Variants in PIEZO2 observed in about 807,000 individuals in gnomAD.
The protein encoded by PIEZO2 is piezo-type mechanosensitive ion channel component 2.
Under a neutral mutation model 337.3 loss-of-function variants are expected in PIEZO2, and 172 were observed. That is an observed-to-expected ratio of 0.51 (90% confidence interval 0.45 to 0.58). The LOEUF is 0.58. PIEZO2 is among the 20% of genes least tolerant of loss of function. PIEZO2 has a pLI of 0.00. For missense variants in PIEZO2, 3,028 were observed against 3,391.3 expected (o/e 0.89, Z 2.66); for synonymous variants, 1,251 against 1,228.5 (o/e 1.02, Z -0.38).
chr18:10,992,000 A>C (rs533387456), intron 2 of PIEZO2, among the ~76,000 whole-genome samples: 1 of 152,158 alleles, frequency 6.6e-6, no homozygotes, highest in South Asian at 2.1e-4. Flanking sequence ...GCTTTTTTTC[A>C]TATGTTCATT....
At chr18:10,822,592 T>C (rs1050519664) in intron 7 of PIEZO2, among the ~76,000 whole-genome samples, 6 of 152,182 alleles carry the variant, frequency 3.9e-5, no homozygotes, top group African/African-American at 1.4e-4. Flanking sequence ...ACCAGGCCAG[T>C]GTCTGCTGGC....
At chr18:10,731,032 T>C (rs939668173) in intron 36 of PIEZO2, among the ~76,000 whole-genome samples, 36 of 152,014 alleles carry the variant, frequency 2.4e-4, no homozygotes, top group African/African-American at 8.7e-4. Context: ...GGCCTTAGCT[T>C]TTTCTAAGAA....
chr18:10,790,538 G>T (rs2039372512), intron 14 of PIEZO2, among the ~76,000 whole-genome samples: 1 of 152,018 alleles, frequency 6.6e-6, no homozygotes, highest in Admixed American at 6.6e-5. Context: ...TTTACATTGT[G>T]GTATACTATT....
intron 31 of PIEZO2, among the ~76,000 whole-genome samples, chr18:10,743,327 G>A (rs998370149): frequency 6.6e-6 from 1 of 152,116 alleles, no homozygotes; most frequent in Non-Finnish European, 1.5e-5. Flanking sequence ...TTCCCAGGGG[G>A]CAAATGGTGT....
intron 7 of PIEZO2, among the ~76,000 whole-genome samples, chr18:10,810,682 T>C (rs2040160478): frequency 6.6e-6 from 1 of 152,212 alleles, no homozygotes; most frequent in Admixed American, 6.5e-5. Flanking sequence ...TTGCTATTCC[T>C]CGTTTTACCA....
chr18:10,807,253 T>C lies in PIEZO2; in HGVS notation c.939A>G (p.Val313=), dbSNP rs1383972782. 1.3e-6 allele frequency: 2 copies of C among 1,536,746 alleles called. No homozygotes were observed. Among genetic ancestry groups the C allele is most frequent in the Admixed American group, 2.0e-5 (1 of 50,890 alleles). The change falls in exon 8 of 56, where the codon GTA becomes GTG. Residue 313 remains valine (V), a synonymous_variant. Coordinates refer to ENST00000674853, the MANE Select transcript of PIEZO2 (RefSeq NM_001378183.1). Reference sequence around the variant, plus strand: ...AAGTACTTGAACAGTCCGTTTGAATTACTGACTTGATACCAAACAACCTGT... The same window carrying C: ...AAGTACTTGAACAGTCCGTTTGAATCACTGACTTGATACCAAACAACCTGT... ...YYARLFGIKS[V]IQTDCSSTWK...
At chr18:10,947,629 A>T (rs2033093219) in intron 3 of PIEZO2, among the ~76,000 whole-genome samples, 1 of 152,062 alleles carries the variant, frequency 6.6e-6, no homozygotes, top group African/African-American at 2.4e-5. Context: ...GAAGGAAATG[A>T]TGCCGAATGA....
At chr18:10,858,341 A>C (rs368826170) in intron 5 of PIEZO2, among the ~76,000 whole-genome samples, 34,538 of 141,438 alleles carry the variant, frequency 0.24, 4,697 homozygotes, top group Non-Finnish European at 0.25. Context: ...AAAAAAAAAA[A>C]AAAAAAGAAA....
At chr18:11,123,507 C>T (rs536488957) in intron 1 of PIEZO2, among the ~76,000 whole-genome samples, 35 of 152,120 alleles carry the variant, frequency 2.3e-4, no homozygotes, top group Non-Finnish European at 4.7e-4. Flanking sequence ...GAATCCTTTC[C>T]TTTTGAAGAA....
intron 4 of PIEZO2, among the ~76,000 whole-genome samples, chr18:10,885,548 G>A (rs2042554971): frequency 6.6e-6 from 1 of 152,188 alleles, no homozygotes; most frequent in South Asian, 2.1e-4. Context: ...AACATGATGT[G>A]TCCATGGGAT....
intron 47 of PIEZO2, 30 bp downstream of exon 47, chr18:10,696,044 G>C: frequency 2.5e-6 from 4 of 1,577,582 alleles, no homozygotes; most frequent in Non-Finnish European, 3.5e-6. Context: ...ATGGAGGCAG[G>C]TTGGTGCCTC....
At chr18:10,892,314 T>C (rs972115992) in intron 4 of PIEZO2, among the ~76,000 whole-genome samples, 3 of 152,198 alleles carry the variant, frequency 2.0e-5, no homozygotes, top group African/African-American at 7.2e-5. Flanking sequence ...GAATCAAGTA[T>C]GGATACTTGT....
At chr18:10,932,692 G>A (rs1054375499) in intron 3 of PIEZO2, among the ~76,000 whole-genome samples, 7 of 152,126 alleles carry the variant, frequency 4.6e-5, no homozygotes, top group African/African-American at 1.7e-4. Flanking sequence ...GGAGGCAGAG[G>A]CAGGAAAATC....
chr18:10,676,458 C>G lies in PIEZO2; in HGVS notation c.8082-1170G>C, dbSNP rs1489861360. ...AGAATCTAAACATCTCAGCTTTCAT[C>G]TGTTGGAAGTGGAGTACTTAAGTGG... On this transcript the variant is annotated intron_variant, in intron 53 of 55. Transcript: ENST00000674853. The surrounding 1 kb of genome is among the most constrained non-coding windows in gnomAD (Gnocchi z 5.1). 6.6e-6 allele frequency among the ~76,000 whole-genome samples: 1 copy of G among 152,188 alleles called. No homozygotes were observed. Among genetic ancestry groups the G allele is most frequent in the African/African-American group, 2.4e-5 (1 of 41,456 alleles).
intron 7 of PIEZO2, among the ~76,000 whole-genome samples, chr18:10,817,257 TTTAA>T (rs2040390687): frequency 1.3e-5 from 2 of 152,332 alleles, no homozygotes; most frequent in South Asian, 4.1e-4. Flanking sequence ...TCCCACCCTG[TTTAA>T]TTGTCTAGAT....
At chr18:10,843,342 G>T (rs1483980925) in intron 7 of PIEZO2, among the ~76,000 whole-genome samples, 1 of 151,694 alleles carries the variant, frequency 6.6e-6, no homozygotes, top group Non-Finnish European at 1.5e-5. Context: ...TAAAAAGTTT[G>T]ATAGCTAAGT....
rs2035201049 is a variant in PIEZO2 at position 10,993,800 on chromosome 18, T to C, written c.161-14140A>G. ...CTTCGGCCTCCCAAAGTGCTGGGAT[T>C]ACAGGCGTGAGCCACCGCTCCTGGC... On this transcript the variant is annotated intron_variant, in intron 2 of 55. Coordinates refer to ENST00000674853, the MANE Select transcript of PIEZO2 (RefSeq NM_001378183.1). The surrounding 1 kb of genome is among the most constrained non-coding windows in gnomAD (Gnocchi z 5.0). 6.6e-6 allele frequency among the ~76,000 whole-genome samples: 1 copy of C among 152,188 alleles called. No individual in the cohort carries two copies. Among genetic ancestry groups the C allele is most frequent in the Admixed American group, 6.5e-5 (1 of 15,272 alleles).
chr18:11,025,905 A>C (rs2036523337), intron 2 of PIEZO2, among the ~76,000 whole-genome samples: 1 of 152,124 alleles, frequency 6.6e-6, no homozygotes. Context: ...CCAGACTATA[A>C]GATCTGGGTT....
At chr18:11,029,496 T>C (rs2036653753) in intron 2 of PIEZO2, among the ~76,000 whole-genome samples, 1 of 152,228 alleles carries the variant, frequency 6.6e-6, no homozygotes, top group East Asian at 1.9e-4. Flanking sequence ...TCCCTCCTGC[T>C]ACTCAGGCTC....
Sources: gnomAD v4.1 joint callset for allele counts (sites outside exome capture counted in the v4.1 genomes callset) on GRCh38, gnomAD v4.1.1 for gene constraint, Gnocchi (gnomAD v3.1) non-coding constraint, MANE v1.5 for transcripts, NCBI Gene and HGNC (gene_info 2026-07-23, HGNC 2026-07-21) for gene names.